ZNF354C: variants seen among roughly 807,000 people sequenced by gnomAD.
The protein encoded by ZNF354C is zinc finger protein 354C.
ZNF354C carries 7 observed loss-of-function variants against 12.4 expected under a neutral mutation model. The observed-to-expected ratio is 0.56, with a 90% CI of 0.32 to 1.06. ZNF354C has a LOEUF of 1.06. Ranked by LOEUF, ZNF354C falls within the 50% of genes least tolerant of loss-of-function variation. The pLI is 0.04. For synonymous variants in ZNF354C, 202 were observed against 224.5 expected (o/e 0.90, Z 0.90); for missense variants, 609 against 658.0 (o/e 0.93, Z 0.81).
intron 3 of ZNF354C, 36 bp downstream of exon 3, chr5:179,076,607 A>G: frequency 6.2e-7 from 1 of 1,610,402 alleles, no homozygotes; most frequent in Non-Finnish European, 8.5e-7. Flanking sequence ...AATCTGTTAT[A>G]GGAACGCCTC....
At chr5:179,074,740 T>C (rs1314207136) in intron 2 of ZNF354C, among the ~76,000 whole-genome samples, 1 of 152,170 alleles carries the variant, frequency 6.6e-6, no homozygotes, top group Non-Finnish European at 1.5e-5. Context: ...ATGAATACGC[T>C]CAGTGAAGTT....
chr5:179,067,602 T>G (rs535017064), intron 2 of ZNF354C, among the ~76,000 whole-genome samples: 16 of 152,306 alleles, frequency 1.1e-4, no homozygotes, highest in African/African-American at 3.6e-4. Context: ...ATCCCAGCAC[T>G]TTGGGAGGCC....
In ZNF354C at chr5:179,079,103, G is replaced by T. The variant is rs776338753; in HGVS notation, c.671G>T (p.Ser224Ile). The part of the protein sequence containing the change: ...KPHICNECGK[S>I]FKQNLHLIEH... ...CACATCTGTAATGAATGTGGGAAGA[G>T]CTTCAAGCAGAATCTGCATCTTATT... is the stretch of plus-strand genomic sequence containing the variant. Residue 224 changes from serine to isoleucine, a missense_variant, in exon 5 of 5, where the codon AGC becomes ATC. Transcript: ENST00000315475. The surrounding 1 kb of genome is among the most constrained non-coding windows in gnomAD (Gnocchi z 4.2). The T allele has an allele frequency of 6.2e-7, 1 of 1,613,916 alleles. No homozygotes were observed. The highest frequency in any genetic ancestry group is 1.7e-5 in the Admixed American group (1 of 60,026).
At chr5:179,068,262 G>A (rs1047373268) in intron 2 of ZNF354C, among the ~76,000 whole-genome samples, 1 of 152,180 alleles carries the variant, frequency 6.6e-6, no homozygotes, top group Non-Finnish European at 1.5e-5. Context: ...GGATACATGT[G>A]TAAAGCACTG....
At position 179,083,154 on chromosome 5, in the gene ZNF354C, CAAGAG is replaced by C. The variant is rs1323356632; in HGVS notation, c.*3059_*3063del. 8.6e-6 allele frequency: 4 copies of C among 465,546 alleles called. No individual in the cohort carries two copies. Among genetic ancestry groups the C allele is most frequent in the Non-Finnish European group, 1.2e-5 (3 of 254,356 alleles). The allele number at this position is 465,546 out of a possible 1,614,324, so 28.8% of individuals were successfully genotyped here. A position where few individuals can be genotyped will look rare whatever the true frequency, so the allele number is the denominator to read the frequency against. ...AAAAGTGGTCTCTGCTAGATTAAGA[CAAGAG>C]ACATAACCAAATGGAAAGTGTGATC... On this transcript the variant is annotated 3_prime_UTR_variant, in exon 5 of 5. Coordinates refer to ENST00000315475, the MANE Select transcript of ZNF354C (RefSeq NM_014594.3).
Position 179,079,810 on chromosome 5 carries a change from A to C in ZNF354C, c.1378A>C (p.Arg460=). 6.2e-7 allele frequency: 1 copy of C among 1,614,184 alleles called. No homozygotes were observed. The change falls in exon 5 of 5, where the codon AGA becomes CGA. Residue 460 remains arginine (R), a synonymous_variant. Coordinates refer to ENST00000315475, the MANE Select transcript of ZNF354C (RefSeq NM_014594.3). The surrounding 1 kb of genome is among the most constrained non-coding windows in gnomAD (Gnocchi z 4.2). ...GCKSNLYRHQ[R]IHTGEKPYQC... is the part of the protein sequence containing the mutation. ...CAAATCTAACCTTTATAGGCATCAG[A>C]GAATTCATACTGGAGAGAAACCGTA...
rs776539657 is a variant in ZNF354C at position 179,082,985 on chromosome 5, G to A, written c.*2888G>A. 2.5e-6 allele frequency: 2 copies of A among 786,020 alleles called. No homozygotes were observed. Among genetic ancestry groups the A allele is most frequent in the Non-Finnish European group, 4.4e-6 (2 of 453,392 alleles). The allele number at this position is 786,020 out of a possible 1,614,324, so 48.7% of individuals were successfully genotyped here. On this transcript the variant is annotated 3_prime_UTR_variant, in exon 5 of 5. Transcript: ENST00000315475. Reference sequence around the variant, plus strand: ...CTTTCATATGGAAAAAGAGCTTCTTGCTATCCCCTACTTCATAGTTAATGA... The same window carrying A: ...CTTTCATATGGAAAAAGAGCTTCTTACTATCCCCTACTTCATAGTTAATGA...
chr5:179,077,913 C>CT (rs2113124192), intron 4 of ZNF354C, among the ~76,000 whole-genome samples: 2 of 151,796 alleles, frequency 1.3e-5, no homozygotes, highest in African/African-American at 4.8e-5. Context: ...TCAAGCGATC[C>CT]TTTCACCTTA....
chr5:179,062,156 C>G (rs1289761930), intron 2 of ZNF354C, 61 bp downstream of exon 2: 1 of 1,599,642 alleles, frequency 6.3e-7, no homozygotes, highest in Non-Finnish European at 8.6e-7. Flanking sequence ...AGATGGTAGA[C>G]ATGTTTCCAG....
intron 2 of ZNF354C, among the ~76,000 whole-genome samples, chr5:179,073,893 G>A (rs530435915): frequency 1.3e-5 from 2 of 152,126 alleles, no homozygotes; most frequent in East Asian, 3.9e-4. Context: ...CTGAGCTCAG[G>A]CAGTCCACCC....
Position 179,083,127 on chromosome 5 carries a change from C to A in ZNF354C, c.*3030C>A. The A allele has an allele frequency of 7.3e-6, 4 of 550,558 alleles. No homozygotes were observed. Among genetic ancestry groups the A allele is most frequent in the Middle Eastern group, 4.2e-4 (1 of 2,400 alleles). 34.1% of individuals were successfully genotyped at this position (550,558 alleles called of 1,614,324 possible). ...TTTTCAAAAAGCAAATGTAGTAAAA[C>A]AAAAAGTGGTCTCTGCTAGATTAAG... On this transcript the variant is annotated 3_prime_UTR_variant, in exon 5 of 5. Coordinates refer to ENST00000315475, the MANE Select transcript of ZNF354C (RefSeq NM_014594.3).
rs1762128760 is a variant in ZNF354C, at chr5:179,076,699, A to T, written c.154+128A>T. On this transcript the variant is annotated intron_variant, in intron 3 of 4. Coordinates refer to ENST00000315475, the MANE Select transcript of ZNF354C (RefSeq NM_014594.3). ...GAAAGGCTGAATTGCTGTAGAGTGG[A>T]AAGTGTACATCTTTGTTGTGATGCC... The T allele has an allele frequency of 4.1e-6, 5 of 1,208,850 alleles. No individual in the cohort carries two copies. In the East Asian group the frequency reaches 7.1e-5, roughly 17 times the overall value. 74.9% of individuals were successfully genotyped at this position (1,208,850 alleles called of 1,614,324 possible). A position where few individuals can be genotyped will look rare whatever the true frequency, so the allele number is the denominator to read the frequency against.
At chr5:179,074,323 T>C (rs1391826500) in intron 2 of ZNF354C, among the ~76,000 whole-genome samples, 2 of 151,538 alleles carry the variant, frequency 1.3e-5, no homozygotes, top group Non-Finnish European at 2.9e-5. Flanking sequence ...AGACAGGGTT[T>C]CACTGTGTTG....
chr5:179,076,654 G>C, intron 3 of ZNF354C, 83 bp downstream of exon 3: 1 of 1,545,976 alleles, frequency 6.5e-7, no homozygotes, highest in Middle Eastern at 2.1e-4. Context: ...CTGTGGTCTT[G>C]TACCCTACTG....
rs771572342 is a variant in ZNF354C at position 179,076,577 on chromosome 5, A to G, written c.154+6A>G. Reference sequence around the variant, plus strand: ...CAGCAGCCTGGTCTCACTGGGTAAGAATTTTTGCCTATGACGAAGAATCTG... The same window carrying G: ...CAGCAGCCTGGTCTCACTGGGTAAGGATTTTTGCCTATGACGAAGAATCTG... On this transcript the variant is annotated splice_donor_region_variant and intron_variant, in intron 3 of 4. Coordinates refer to ENST00000315475, the MANE Select transcript of ZNF354C (RefSeq NM_014594.3). The G allele has an allele frequency of 6.2e-7, 1 of 1,613,392 alleles. No homozygotes were observed. The highest frequency in any genetic ancestry group is 1.7e-5 in the Admixed American group (1 of 59,836).
At chr5:179,077,236 T>C in intron 4 of ZNF354C, 70 bp downstream of exon 4, 1 of 1,274,720 alleles carries the variant, frequency 7.8e-7, no homozygotes, top group Non-Finnish European at 1.1e-6. Flanking sequence ...GAGGCAGTTC[T>C]TGGGAAACTC....
chr5:179,065,736 T>C (rs1174346747), intron 2 of ZNF354C, among the ~76,000 whole-genome samples: 1 of 152,168 alleles, frequency 6.6e-6, no homozygotes, highest in Non-Finnish European at 1.5e-5. Context: ...TTCTGTAGAA[T>C]GCCCCTCCAT....
At chr5:179,065,173 G>A (rs1333422532) in intron 2 of ZNF354C, among the ~76,000 whole-genome samples, 2 of 152,048 alleles carry the variant, frequency 1.3e-5, no homozygotes, top group Non-Finnish European at 2.9e-5. Flanking sequence ...TGGTATATTT[G>A]TTACAATTAA....
chr5:179,068,381 A>T lies in ZNF354C; in HGVS notation c.27+6286A>T, dbSNP rs374049616. 5.3e-5 allele frequency among the ~76,000 whole-genome samples: 8 copies of T among 152,218 alleles called. No homozygotes were observed. The East Asian group carries it at 1.3e-3, about 26-fold the overall frequency. ...TATTTTTTAGCACGCGTCTGTTTTC[A>T]TATTGTTTAACGAATAGTCAAAAGA... On this transcript the variant is annotated intron_variant, in intron 2 of 4. Transcript: ENST00000315475.
Sources: gnomAD v4.1 joint callset for allele counts (sites outside exome capture counted in the v4.1 genomes callset) on GRCh38, gnomAD v4.1.1 for gene constraint, Gnocchi (gnomAD v3.1) non-coding constraint, MANE v1.5 for transcripts, NCBI Gene and HGNC (gene_info 2026-07-23, HGNC 2026-07-21) for gene names.